Variants in HTR1F observed in about 807,000 individuals in gnomAD.
The protein encoded by HTR1F is 5-hydroxytryptamine receptor 1F, also known as 5-hydroxytryptamine (serotonin) receptor 1F, G protein-coupled.
A neutral mutation model predicts 24.0 loss-of-function variants in HTR1F; 17 were observed. The observed-to-expected ratio is 0.71, with a 90% CI of 0.48 to 1.06. The LOEUF (loss-of-function observed/expected upper bound fraction) is 1.06, where lower values mean the gene tolerates loss of function less well. Among genes scored for constraint, HTR1F ranks in the 50% least tolerant of loss-of-function variants. The probability of loss-of-function intolerance (pLI) is 0.00; values close to 1 mark genes in which losing one functional copy is unlikely to be tolerated. For missense variants in HTR1F, 391 were observed against 427.8 expected, an observed-to-expected ratio of 0.91 and a Z score of 0.76; for synonymous variants, 186 against 156.8, an observed-to-expected ratio of 1.19 and a Z score of -1.39.
At chr3:87,842,317 C>G (rs1233751632) in intron 2 of HTR1F, among the ~76,000 whole-genome samples, 4 of 151,608 alleles carry the variant, frequency 2.6e-5, no homozygotes, top group Non-Finnish European at 5.9e-5. Flanking sequence ...CCCACCACCA[C>G]GCCCGGCTAA....
intron 2 of HTR1F, among the ~76,000 whole-genome samples, chr3:87,846,299 T>A (rs1704940726): frequency 6.6e-6 from 1 of 151,792 alleles, no homozygotes; most frequent in East Asian, 1.9e-4. Flanking sequence ...CCAGGTGTGA[T>A]GGCAAGCACC....
At chr3:87,953,383 A>T (rs1704876841) in intron 2 of HTR1F, among the ~76,000 whole-genome samples, 1 of 151,690 alleles carries the variant, frequency 6.6e-6, no homozygotes, top group Non-Finnish European at 1.5e-5. Flanking sequence ...ATAGTGAGCA[A>T]AGGATCTGCA....
intron 2 of HTR1F, among the ~76,000 whole-genome samples, chr3:87,944,263 C>T (rs1326793963): frequency 6.6e-6 from 1 of 152,144 alleles, no homozygotes; most frequent in Admixed American, 6.5e-5. Flanking sequence ...AAGATGCATT[C>T]CCATAAGCAA....
At chr3:87,831,330 A>AATTATTATTATTATT (rs58022545) in intron 2 of HTR1F, among the ~76,000 whole-genome samples, 2 of 142,418 alleles carry the variant, frequency 1.4e-5, no homozygotes, top group Non-Finnish European at 3.0e-5. Context: ...GATATTAAGA[A>AATTATTATTATTATT]ATTATTATTA....
chr3:87,934,677 C>A (rs752584433), intron 2 of HTR1F, among the ~76,000 whole-genome samples: 1 of 152,106 alleles, frequency 6.6e-6, no homozygotes, highest in Non-Finnish European at 1.5e-5. Context: ...CACTTCCAGG[C>A]AAATCTTCAT....
chr3:87,853,681 C>T (rs1362123364), intron 2 of HTR1F, among the ~76,000 whole-genome samples: 1 of 152,096 alleles, frequency 6.6e-6, no homozygotes, highest in Non-Finnish European at 1.5e-5. Flanking sequence ...CTCCCACCAA[C>T]AGTGTATAAG....
At chr3:87,901,545 A>G (rs1706323494) in intron 2 of HTR1F, among the ~76,000 whole-genome samples, 2 of 152,134 alleles carry the variant, frequency 1.3e-5, no homozygotes, top group Admixed American at 1.3e-4. Flanking sequence ...GATTTTCTAG[A>G]CTTCTTAAGG....
At chr3:87,897,958 A>G (rs936467140) in intron 2 of HTR1F, among the ~76,000 whole-genome samples, 1 of 152,100 alleles carries the variant, frequency 6.6e-6, no homozygotes, top group African/African-American at 2.4e-5. Context: ...CCAACAGTGT[A>G]AGCCTGGCAC....
At chr3:87,904,428 G>A (rs1330739732) in intron 2 of HTR1F, among the ~76,000 whole-genome samples, 1 of 151,946 alleles carries the variant, frequency 6.6e-6, no homozygotes, top group African/African-American at 2.4e-5. Flanking sequence ...ATAGAAGAAG[G>A]CTCCTAACAG....
At chr3:87,807,156 C>T (rs1704087007) in intron 1 of HTR1F, among the ~76,000 whole-genome samples, 1 of 151,784 alleles carries the variant, frequency 6.6e-6, no homozygotes, top group Admixed American at 6.6e-5. Context: ...TTTTCTATTT[C>T]TGTAAAAAAT....
At chr3:87,877,528 T>C (rs1264654992) in intron 2 of HTR1F, among the ~76,000 whole-genome samples, 1 of 152,174 alleles carries the variant, frequency 6.6e-6, no homozygotes, top group African/African-American at 2.4e-5. Context: ...GTTATTACAA[T>C]GTGCTAAGCA....
At chr3:87,856,300 A>T (rs890052056) in intron 2 of HTR1F, among the ~76,000 whole-genome samples, 4 of 152,020 alleles carry the variant, frequency 2.6e-5, no homozygotes, top group African/African-American at 9.7e-5. Context: ...ATCCCTCATG[A>T]GTAAGAGATG....
chr3:87,923,966 T>G (rs973379809), intron 2 of HTR1F, among the ~76,000 whole-genome samples: 1 of 152,110 alleles, frequency 6.6e-6, no homozygotes, highest in Admixed American at 6.6e-5. Flanking sequence ...TTTTATTTTA[T>G]GTCCTTGTCT....
chr3:87,929,465 T>C (rs139668216), intron 2 of HTR1F, among the ~76,000 whole-genome samples: 165 of 152,330 alleles, frequency 1.1e-3, no homozygotes, highest in African/African-American at 3.8e-3. Flanking sequence ...AACTTCTCTG[T>C]ATTGGGAATA....
chr3:87,880,663 T>TGG (rs1397136956), intron 2 of HTR1F, among the ~76,000 whole-genome samples: 2 of 151,908 alleles, frequency 1.3e-5, no homozygotes, highest in Admixed American at 6.6e-5. Context: ...TGTGTGTGTG[T>TGG]GTGTGTGTGT....
At chr3:87,817,681 T>C (rs1307223779) in intron 1 of HTR1F, among the ~76,000 whole-genome samples, 7 of 152,216 alleles carry the variant, frequency 4.6e-5, no homozygotes, top group Non-Finnish European at 8.8e-5. Flanking sequence ...AATGTGACTT[T>C]ATTGCTGTTG....
At chr3:87,829,074 C>G (rs1704521414) in intron 2 of HTR1F, among the ~76,000 whole-genome samples, 1 of 151,010 alleles carries the variant, frequency 6.6e-6, no homozygotes, top group African/African-American at 2.4e-5. Flanking sequence ...AAAAAAAGAT[C>G]TGTCCTGTGC....
At chr3:87,955,063 A>C (rs1704914595) in intron 2 of HTR1F, among the ~76,000 whole-genome samples, 1 of 151,364 alleles carries the variant, frequency 6.6e-6, no homozygotes, top group Admixed American at 6.6e-5. Flanking sequence ...TTTATTGAGG[A>C]ATAATTTGCA....
chr3:87,806,056 C>G (rs1398344571), intron 1 of HTR1F, among the ~76,000 whole-genome samples: 1 of 152,038 alleles, frequency 6.6e-6, no homozygotes, highest in Admixed American at 6.6e-5. Flanking sequence ...TAATGACCGC[C>G]AGTTCCATGC....
Sources: allele counts gnomAD v4.1 joint callset (sites outside exome capture counted in the v4.1 genomes callset), GRCh38; gene constraint gnomAD v4.1.1; transcripts MANE v1.5; gene names NCBI Gene and HGNC (gene_info 2026-07-23, HGNC 2026-07-21).